MIER2: variants seen among roughly 807,000 people sequenced by gnomAD.
The protein encoded by MIER2 is MIER family member 2.
A neutral mutation model predicts 67.6 loss-of-function variants in MIER2; 30 were observed. The ratio of observed to expected loss-of-function variants is 0.44; its 90% CI spans 0.33 to 0.60. The LOEUF (loss-of-function observed/expected upper bound fraction) is 0.60. MIER2 is among the 20% of genes least tolerant of loss of function. The pLI is 0.02. For synonymous variants in MIER2, 372 were observed against 312.6 expected (o/e 1.19, Z -2.00); for missense variants, 702 against 745.1 (o/e 0.94, Z 0.67).
chr19:311,808 A>G (rs1971016450), intron 10 of MIER2, 37 bp downstream of exon 10: 1 of 1,608,808 alleles, frequency 6.2e-7, no homozygotes. Flanking sequence ...CCCCAGATCG[A>G]GAAGCCCCCG....
chr19:322,736 T>G (rs902473747), intron 7 of MIER2, among the ~76,000 whole-genome samples: 5 of 150,870 alleles, frequency 3.3e-5, no homozygotes, highest in African/African-American at 1.2e-4. Context: ...TCAAGCAGTA[T>G]GCGTCACCCT....
intron 1 of MIER2, among the ~76,000 whole-genome samples, chr19:338,029 G>A (rs1185194869): frequency 1.3e-5 from 2 of 150,580 alleles, no homozygotes; most frequent in Non-Finnish European, 3.0e-5. Context: ...AAAATTAGCT[G>A]GGTGTGGTGG....
intron 7 of MIER2, among the ~76,000 whole-genome samples, chr19:323,918 T>C (rs560419928): frequency 4.7e-4 from 54 of 115,674 alleles, no homozygotes; most frequent in African/African-American, 6.1e-4. Flanking sequence ...TCGAAGGACA[T>C]AGGCGTCATC....
chr19:326,192 G>A (rs922270483), intron 6 of MIER2, among the ~76,000 whole-genome samples: 4 of 151,914 alleles, frequency 2.6e-5, no homozygotes, highest in Admixed American at 2.0e-4. Flanking sequence ...TGGGATGCCA[G>A]GTTGGAGACA....
Position 308,486 on chromosome 19 carries a change from G to C in MIER2, c.1198+91C>G. 1.0e-5 allele frequency: 14 copies of C among 1,361,884 alleles called. No individual in the cohort carries two copies. Among genetic ancestry groups the C allele is most frequent in the Non-Finnish European group, 1.4e-5 (14 of 1,003,902 alleles). The allele number at this position is 1,361,884 out of a possible 1,614,324, so 84.4% of individuals were successfully genotyped here. ...CTCCTGGCGAGGCTGGCCCAGCACA[G>C]GGCGCCAGGCAGGAGAGGCTCCACC... On this transcript the variant is annotated intron_variant, in intron 12 of 13. Coordinates refer to ENST00000264819, the MANE Select transcript of MIER2 (RefSeq NM_017550.3). The surrounding 1 kb of genome is among the most constrained non-coding windows in gnomAD (Gnocchi z 9.1).
chr19:308,230 G>A lies in MIER2; in HGVS notation c.1198+347C>T, dbSNP rs1363536992. Reference sequence around the variant, plus strand: ...TCCGGACACCCTGTCCTTCCTGAGTGTCCTGGTGACGGGCTAAGTCCCCAC... The same window carrying A: ...TCCGGACACCCTGTCCTTCCTGAGTATCCTGGTGACGGGCTAAGTCCCCAC... On this transcript the variant is annotated intron_variant, in intron 12 of 13. Coordinates refer to ENST00000264819, the MANE Select transcript of MIER2 (RefSeq NM_017550.3). This position sits in a 1 kb window ranked among gnomAD's most constrained non-coding sequence, Gnocchi z 9.1. 6.6e-6 allele frequency among the ~76,000 whole-genome samples: 1 copy of A among 152,202 alleles called. No individual in the cohort carries two copies. The highest frequency in any genetic ancestry group is 1.5e-5 in the Non-Finnish European group (1 of 68,020).
intron 3 of MIER2, chr19:334,044 C>T (rs940881718): frequency 1.5e-5 from 3 of 196,792 alleles, no homozygotes; most frequent in South Asian, 9.3e-5. Context: ...AAGCTGGTCT[C>T]GAACTCCTGA....
intron 2 of MIER2, among the ~76,000 whole-genome samples, chr19:335,832 C>G (rs1972225709): frequency 6.6e-6 from 1 of 152,160 alleles, no homozygotes; most frequent in African/African-American, 2.4e-5. Flanking sequence ...CCCGGGTCCT[C>G]TGCTGGGGGT....
intron 3 of MIER2, among the ~76,000 whole-genome samples, chr19:331,593 C>A (rs1972028175): frequency 6.6e-6 from 1 of 152,100 alleles, no homozygotes; most frequent in Non-Finnish European, 1.5e-5. Context: ...CCCTTGAGCC[C>A]AGGAGTTCGA....
chr19:311,959 G>A lies in MIER2; in HGVS notation c.890-20C>T, dbSNP rs1971025021. ...GCCCATCTGCAAACACGGCCGGGGA[G>A]AACGGTCAGTGGTGCCCAGGGCGGG... On this transcript the variant is annotated intron_variant, in intron 9 of 13. Transcript: ENST00000264819. 2 of 1,611,788 alleles carry A rather than the reference G, an allele frequency of 1.2e-6. No individual in the cohort carries two copies. Among genetic ancestry groups the A allele is most frequent in the Non-Finnish European group, 1.7e-6 (2 of 1,178,306 alleles).
At position 313,626 on chromosome 19, in the gene MIER2, G is replaced by A; in HGVS notation, c.673C>T (p.Gln225Ter). The A allele has an allele frequency of 6.2e-7, 1 of 1,612,246 alleles. No individual in the cohort carries two copies. Among genetic ancestry groups the A allele is most frequent in the Non-Finnish European group, 8.5e-7 (1 of 1,179,898 alleles). ...HCEKIYENED[Q>*]LLWDPSVLPE... Reference sequence around the variant, plus strand: ...AGGACGCTGGGGTCCCAGAGCAGCTGGTCTTCGTTCTCGTAGACTGCACAA... The same window carrying A: ...AGGACGCTGGGGTCCCAGAGCAGCTAGTCTTCGTTCTCGTAGACTGCACAA... Residue 225 changes from glutamine to a stop codon, truncating the protein, a stop_gained, in exon 8 of 14, where the codon CAG (glutamine) becomes TAG (stop). Transcript: ENST00000264819. LOFTEE classifies it high-confidence loss of function.
intron 1 of MIER2, among the ~76,000 whole-genome samples, chr19:336,918 C>A (rs1353536338): frequency 6.6e-6 from 1 of 152,050 alleles, no homozygotes; most frequent in Non-Finnish European, 1.5e-5. Context: ...TCTTGGCTCA[C>A]TGCAACCTCT....
chr19:339,319 GGACA>G (rs1972397387), intron 1 of MIER2, among the ~76,000 whole-genome samples: 1 of 152,122 alleles, frequency 6.6e-6, no homozygotes, highest in South Asian at 2.1e-4. Flanking sequence ...TCTCCAAAGA[GGACA>G]GACAAATGGC....
At chr19:335,662 G>C (rs1213937956) in intron 2 of MIER2, among the ~76,000 whole-genome samples, 2 of 152,206 alleles carry the variant, frequency 1.3e-5, no homozygotes, top group Non-Finnish European at 2.9e-5. Context: ...ATGGGACCTT[G>C]ATGCCCACTG....
chr19:329,420 G>C (rs1971919603), intron 3 of MIER2, among the ~76,000 whole-genome samples: 1 of 152,208 alleles, frequency 6.6e-6, no homozygotes, highest in Non-Finnish European at 1.5e-5. Context: ...TTTCCTAAGA[G>C]CACTCAGCCG....
intron 7 of MIER2, among the ~76,000 whole-genome samples, chr19:318,402 C>A (rs1367528621): frequency 6.6e-6 from 1 of 152,052 alleles, no homozygotes; most frequent in Non-Finnish European, 1.5e-5. Flanking sequence ...CAATTCAACA[C>A]AAAGACAAAG....
intron 8 of MIER2, 51 bp from the exon 9 acceptor site, chr19:312,323 A>G (rs763167428): frequency 3.8e-6 from 6 of 1,569,644 alleles, no homozygotes; most frequent in South Asian, 1.1e-5. Context: ...AGGAGCCGAC[A>G]GCAAGAACTG....
At chr19:334,795 C>T (rs375602000) in intron 2 of MIER2, among the ~76,000 whole-genome samples, 3 of 152,150 alleles carry the variant, frequency 2.0e-5, no homozygotes, top group East Asian at 3.8e-4. Flanking sequence ...TGCTTGTCTT[C>T]CTGAACACAG....
rs189560805 is a variant in MIER2 at position 337,144 on chromosome 19, A to G, written c.10-971T>C. 4.2e-3 allele frequency among the ~76,000 whole-genome samples: 643 copies of G among 152,098 alleles called. 1 individual carries two copies. Among genetic ancestry groups the G allele is most frequent in the Non-Finnish European group, 6.3e-3 (429 of 67,960 alleles). The stretch of plus-strand genomic sequence containing the variant: ...TGGGTGTGAGCTACCGCAAGCCACG[A>G]TATCTCTCATGTACATAAACACAAA... On this transcript the variant is annotated intron_variant, in intron 1 of 13. Transcript: ENST00000264819.
Sources: allele counts gnomAD v4.1 joint callset (sites outside exome capture counted in the v4.1 genomes callset), GRCh38; gene constraint gnomAD v4.1.1; non-coding constraint Gnocchi (gnomAD v3.1); transcripts MANE v1.5; gene names NCBI Gene and HGNC (gene_info 2026-07-23, HGNC 2026-07-21).